CAMSAP1: variants seen among roughly 807,000 people sequenced by gnomAD.
CAMSAP1 encodes the protein calmodulin regulated spectrin associated protein 1, also known as calmodulin-regulated spectrin-associated protein 1.
CAMSAP1 carries 58 observed loss-of-function variants against 143.5 expected under a neutral mutation model. That is an observed-to-expected ratio of 0.40 (90% CI 0.33 to 0.50). CAMSAP1 has a LOEUF of 0.50. Among genes scored for constraint, CAMSAP1 ranks in the 20% least tolerant of loss-of-function variants. The pLI is 0.45. For synonymous variants in CAMSAP1, 945 were observed against 859.3 expected (o/e 1.10, Z -1.74); for missense variants, 1,969 against 2,115.7 (o/e 0.93, Z 1.36).
At chr9:135,905,467 G>C (rs1313118094) in intron 1 of CAMSAP1, among the ~76,000 whole-genome samples, 1 of 152,154 alleles carries the variant, frequency 6.6e-6, no homozygotes, top group East Asian at 1.9e-4. Flanking sequence ...GTAAAACTTT[G>C]TGCTCGGATC....
At chr9:135,861,951 C>T (rs1434802745) in intron 5 of CAMSAP1, among the ~76,000 whole-genome samples, 2 of 152,218 alleles carry the variant, frequency 1.3e-5, no homozygotes, top group Non-Finnish European at 2.9e-5. Flanking sequence ...GTCCCCAACA[C>T]GAAGCGTGTG....
rs1837977094 is a variant in CAMSAP1 at position 135,882,080 on chromosome 9, TCTC to T, written c.424-289_424-287del. The stretch of plus-strand genomic sequence containing the variant: ...CACTGTCTCACACTGTCCTTTCTTA[TCTC>T]CTCAACAGCCCTGTGGGACTCCCAG... On this transcript the variant is annotated intron_variant, in intron 2 of 16. Coordinates refer to ENST00000389532, the MANE Select transcript of CAMSAP1 (RefSeq NM_015447.4). This position sits in a 1 kb window ranked among gnomAD's most constrained non-coding sequence, Gnocchi z 4.9. Among the ~76,000 whole-genome samples the T allele has an allele frequency of 6.6e-6, 1 of 152,038 alleles. No homozygotes were observed. Among genetic ancestry groups the T allele is most frequent in the South Asian group, 2.1e-4 (1 of 4,814 alleles).
At chr9:135,870,141 A>G (rs1310846677) in intron 3 of CAMSAP1, among the ~76,000 whole-genome samples, 12 of 152,190 alleles carry the variant, frequency 7.9e-5, no homozygotes, top group Admixed American at 7.8e-4. Context: ...GTCCCCACCC[A>G]AATCTTATCT....
chr9:135,833,076 A>T (rs1295647613), intron 7 of CAMSAP1, among the ~76,000 whole-genome samples: 2 of 133,184 alleles, frequency 1.5e-5, no homozygotes, highest in East Asian at 4.6e-4. Context: ...AGCCACAGTA[A>T]TCTTTTTTTT....
chr9:135,905,841 A>C (rs1172556788), intron 1 of CAMSAP1, among the ~76,000 whole-genome samples: 1 of 152,128 alleles, frequency 6.6e-6, no homozygotes, highest in Non-Finnish European at 1.5e-5. Context: ...TGTTCTTTGC[A>C]CCTGACTCAA....
chr9:135,888,859 C>T (rs900211366), intron 1 of CAMSAP1, among the ~76,000 whole-genome samples: 3 of 152,234 alleles, frequency 2.0e-5, no homozygotes, highest in Admixed American at 1.3e-4. Context: ...CTGACCCCCA[C>T]CCAGGGACAA....
intron 7 of CAMSAP1, among the ~76,000 whole-genome samples, chr9:135,838,417 T>C: frequency 6.9e-6 from 1 of 144,294 alleles, no homozygotes; most frequent in African/African-American, 2.6e-5. Flanking sequence ...CATCACGCAC[T>C]TTCCACCCGT....
In CAMSAP1 at chr9:135,862,449, G is replaced by C. The variant is rs1254591307; in HGVS notation, c.808+18C>G. 2 of 1,550,214 alleles carry C rather than the reference G, an allele frequency of 1.3e-6. No individual in the cohort carries two copies. The highest frequency in any genetic ancestry group is 2.0e-5 in the Admixed American group (1 of 50,868). ...TAAGCCTTTTCGGATCTGTTTCAGG[G>C]AAGCATTCTCCACTCACCATCCAGT... On this transcript the variant is annotated intron_variant, in intron 5 of 16. Transcript: ENST00000389532.
rs2131669107 is a variant in CAMSAP1 at position 135,824,712 on chromosome 9, T to G, written c.1315+77A>C. On this transcript the variant is annotated intron_variant, in intron 9 of 16. Transcript: ENST00000389532. This position sits in a 1 kb window ranked among gnomAD's most constrained non-coding sequence, Gnocchi z 4.1. ...AAATCACTACATCAGATAAAATGAT[T>G]TAATTTTGAGAAATATGATTTTACT... 1 of 1,092,644 alleles carries G rather than the reference T, an allele frequency of 9.2e-7. No individual in the cohort carries two copies. The highest frequency in any genetic ancestry group is 2.7e-5 in the East Asian group (1 of 36,458). The allele number at this position is 1,092,644 out of a possible 1,614,324, so 67.7% of individuals were successfully genotyped here.
At position 135,818,601 on chromosome 9, in the gene CAMSAP1, T is replaced by C; in HGVS notation, c.3975A>G (p.Glu1325=). The change falls in exon 13 of 17, where the codon GAA becomes GAG. Residue 1325 remains glutamate, a synonymous_variant. Coordinates refer to ENST00000389532, the MANE Select transcript of CAMSAP1 (RefSeq NM_015447.4). This position sits in a 1 kb window ranked among gnomAD's most constrained non-coding sequence, Gnocchi z 7.7. The part of the protein sequence containing the change: ...KRDEARRKAE[E]DRVRKEEEKA... Reference sequence around the variant, plus strand: ...TCTCCTCCTCCTTCCGCACCCGGTCTTCCTCAGCTTTGCGCCTGAGAGAAA... The same window carrying C: ...TCTCCTCCTCCTTCCGCACCCGGTCCTCCTCAGCTTTGCGCCTGAGAGAAA... 6.2e-7 allele frequency: 1 copy of C among 1,613,274 alleles called. No homozygotes were observed. The highest frequency in any genetic ancestry group is 8.5e-7 in the Non-Finnish European group (1 of 1,179,804).
At chr9:135,874,479 G>GA (rs1554797545) in intron 3 of CAMSAP1, among the ~76,000 whole-genome samples, 1 of 9,626 alleles carries the variant, frequency 1.0e-4, no homozygotes, top group East Asian at 0.015. Flanking sequence ...TCTCAAAAAA[G>GA]GGGGGGGGGG....
intron 1 of CAMSAP1, among the ~76,000 whole-genome samples, chr9:135,896,680 G>C (rs923870417): frequency 4.6e-5 from 7 of 152,182 alleles, no homozygotes; most frequent in Admixed American, 2.0e-4. Flanking sequence ...GAAATCATAT[G>C]GGAAATACAT....
chr9:135,850,075 C>T, intron 7 of CAMSAP1, 62 bp downstream of exon 7: 2 of 1,350,770 alleles, frequency 1.5e-6, no homozygotes, highest in Non-Finnish European at 2.0e-6. Context: ...CTGGAGAGTG[C>T]TTTCTGATAC....
At chr9:135,884,715 C>T (rs1041588276) in intron 1 of CAMSAP1, among the ~76,000 whole-genome samples, 15 of 152,208 alleles carry the variant, frequency 9.9e-5, no homozygotes, top group Non-Finnish European at 1.5e-5. Flanking sequence ...ACACAAGGAA[C>T]AGGCCCCAAT....
In CAMSAP1 at chr9:135,882,948, T is replaced by C; in HGVS notation, c.291A>G (p.Lys97=). 4 of 1,551,750 alleles carry C rather than the reference T, an allele frequency of 2.6e-6. No individual in the cohort carries two copies. The highest frequency in any genetic ancestry group is 3.5e-6 in the Non-Finnish European group (4 of 1,147,012). The change falls in exon 2 of 17, where the codon AAA becomes AAG. Residue 97 remains lysine, a synonymous_variant. Coordinates refer to ENST00000389532, the MANE Select transcript of CAMSAP1 (RefSeq NM_015447.4). The surrounding 1 kb of genome is among the most constrained non-coding windows in gnomAD (Gnocchi z 4.9). ...CCTGTAAGGCGGCCACCTGGTCCCC[T>C]TTCAGGATGAGGCTGCAGACACGGC... is the stretch of plus-strand genomic sequence containing the variant. ...LYCRVCSLIL[K]GDQVAALQGH...
rs1479703785 is a variant in CAMSAP1, at chr9:135,866,539, A to G, written c.586-3T>C. On this transcript the variant is annotated splice_polypyrimidine_tract_variant and splice_region_variant and intron_variant, in intron 3 of 16. Coordinates refer to ENST00000389532, the MANE Select transcript of CAMSAP1 (RefSeq NM_015447.4). ...ATCTCTCTCATTTTAAGATTTACCT[A>G]AAGTAGAAGAGAAATGCATTAAAGA... 2 of 1,324,680 alleles carry G rather than the reference A, an allele frequency of 1.5e-6. No homozygotes were observed. Among genetic ancestry groups the G allele is most frequent in the Non-Finnish European group, 2.1e-6 (2 of 940,714 alleles). 82.1% of individuals were successfully genotyped at this position (1,324,680 alleles called of 1,614,324 possible).
At chr9:135,901,603 A>G (rs1175530904) in intron 1 of CAMSAP1, among the ~76,000 whole-genome samples, 1 of 152,178 alleles carries the variant, frequency 6.6e-6, no homozygotes, top group African/African-American at 2.4e-5. Context: ...CAACAGAGCA[A>G]GACCCTGTCT....
At position 135,818,091 on chromosome 9, in the gene CAMSAP1, A is replaced by G. The variant is rs1835304432; in HGVS notation, c.4169-12T>C. On this transcript the variant is annotated splice_polypyrimidine_tract_variant and intron_variant, in intron 13 of 16. Coordinates refer to ENST00000389532, the MANE Select transcript of CAMSAP1 (RefSeq NM_015447.4). The surrounding 1 kb of genome is among the most constrained non-coding windows in gnomAD (Gnocchi z 7.7). Reference sequence around the variant, plus strand: ...GCTCAAGTTATCAGCTGCCAGAGACAGAAACAGACGACGGTTCATGAACGG... The same window carrying G: ...GCTCAAGTTATCAGCTGCCAGAGACGGAAACAGACGACGGTTCATGAACGG... 18 of 1,612,986 alleles carry G rather than the reference A, an allele frequency of 1.1e-5. No homozygotes were observed. The highest frequency in any genetic ancestry group is 1.5e-5 in the Non-Finnish European group (18 of 1,179,282).
rs558300859 is a variant in CAMSAP1 at position 135,905,655 on chromosome 9, C to G, written c.160+1345G>C. ...AACGTAACGTGGGATAAGGGAATAA[C>G]AAAAGCCAGTCTCAGAAAGAGACAT... On this transcript the variant is annotated intron_variant, in intron 1 of 16. Coordinates refer to ENST00000389532, the MANE Select transcript of CAMSAP1 (RefSeq NM_015447.4). 5.9e-5 allele frequency among the ~76,000 whole-genome samples: 9 copies of G among 152,300 alleles called. No individual in the cohort carries two copies. In the South Asian group the frequency reaches 1.9e-3, roughly 32 times the overall value.
Sources: gnomAD v4.1 joint callset for allele counts (sites outside exome capture counted in the v4.1 genomes callset) on GRCh38, gnomAD v4.1.1 for gene constraint, Gnocchi (gnomAD v3.1) non-coding constraint, MANE v1.5 for transcripts, NCBI Gene and HGNC (gene_info 2026-07-23, HGNC 2026-07-21) for gene names.